Variants in TTC29 observed in about 807,000 individuals in gnomAD.
TTC29 encodes the protein tetratricopeptide repeat protein 29.
A neutral mutation model predicts 58.1 loss-of-function variants in TTC29; 49 were observed. The observed-to-expected ratio is 0.84, with a 90% confidence interval of 0.67 to 1.07. The LOEUF (loss-of-function observed/expected upper bound fraction) is 1.07. Among genes scored for constraint, TTC29 ranks in the 50% least tolerant of loss-of-function variants. TTC29 has a pLI of 0.00. For missense variants in TTC29, 582 were observed against 555.6 expected, an observed-to-expected ratio of 1.05 and a Z score of -0.48; for synonymous variants, 209 against 196.8, an observed-to-expected ratio of 1.06 and a Z score of -0.52.
intron 4 of TTC29, among the ~76,000 whole-genome samples, chr4:146,909,648 A>G (rs1733765873): frequency 6.6e-6 from 1 of 152,184 alleles, no homozygotes; most frequent in African/African-American, 2.4e-5. Flanking sequence ...TTCTCTCTAT[A>G]TTAGTAGTTT....
intron 6 of TTC29, among the ~76,000 whole-genome samples, chr4:146,893,556 G>A (rs1185925115): frequency 6.6e-6 from 1 of 152,128 alleles, no homozygotes; most frequent in Non-Finnish European, 1.5e-5. Context: ...AGACTTAAAT[G>A]TTAGACCTGA....
At chr4:146,874,180 G>T (rs939205326) in intron 7 of TTC29, among the ~76,000 whole-genome samples, 1 of 152,086 alleles carries the variant, frequency 6.6e-6, no homozygotes, top group Admixed American at 6.6e-5. Flanking sequence ...GCTGCAGTAG[G>T]TCTGGGTTGG....
At chr4:146,935,886 G>A (rs1735774701) in intron 4 of TTC29, among the ~76,000 whole-genome samples, 1 of 152,124 alleles carries the variant, frequency 6.6e-6, no homozygotes, top group African/African-American at 2.4e-5. Flanking sequence ...AATTCTTCAT[G>A]GCACCTGCTG....
rs115115605 is a variant in TTC29, at chr4:146,751,636, C to T, written c.1331-44085G>A. Among the ~76,000 whole-genome samples, 749 of 152,098 alleles carry T rather than the reference C, an allele frequency of 4.9e-3. 3 individuals are homozygous for T. The highest frequency in any genetic ancestry group is 0.017 in the African/African-American group (705 of 41,504). On this transcript the variant is annotated intron_variant, in intron 11 of 12. Transcript: ENST00000325106. ...AAAATCTAAAGGGTAATTAAAAATA[C>T]GCCAAAAACAGACAAATGAAAATGG...
intron 11 of TTC29, among the ~76,000 whole-genome samples, chr4:146,787,958 GC>G (rs1434719876): frequency 2.0e-5 from 3 of 151,948 alleles, no homozygotes; most frequent in African/African-American, 7.3e-5. Flanking sequence ...AAGAAAGAGG[GC>G]TCCCAGGGTC....
intron 11 of TTC29, among the ~76,000 whole-genome samples, chr4:146,803,010 A>G (rs1354177676): frequency 6.6e-6 from 1 of 152,206 alleles, no homozygotes; most frequent in Admixed American, 6.5e-5. Context: ...ACTACCAACT[A>G]TTTTCTAAAT....
At chr4:146,807,083 C>T (rs1373242869) in intron 10 of TTC29, among the ~76,000 whole-genome samples, 1 of 152,178 alleles carries the variant, frequency 6.6e-6, no homozygotes, top group East Asian at 1.9e-4. Flanking sequence ...GATTAAGAAA[C>T]TCACTCAAAA....
intron 6 of TTC29, among the ~76,000 whole-genome samples, chr4:146,885,582 T>G (rs968822792): frequency 1.3e-5 from 2 of 152,114 alleles, no homozygotes; most frequent in African/African-American, 4.8e-5. Flanking sequence ...ATCTGTCTAG[T>G]GCTCAGGTAT....
At chr4:146,851,671 A>G (rs1023309730) in intron 8 of TTC29, among the ~76,000 whole-genome samples, 3 of 152,200 alleles carry the variant, frequency 2.0e-5, no homozygotes, top group Non-Finnish European at 4.4e-5. Flanking sequence ...GAAAAGAATA[A>G]TATTACTTTT....
At chr4:146,869,197 T>C (rs1223089086) in intron 7 of TTC29, among the ~76,000 whole-genome samples, 1 of 152,018 alleles carries the variant, frequency 6.6e-6, no homozygotes, top group African/African-American at 2.4e-5. Context: ...GGAAGTATCC[T>C]TAGATTTCTG....
chr4:146,920,041 G>A (rs1579985349), intron 4 of TTC29, among the ~76,000 whole-genome samples: 1 of 150,936 alleles, frequency 6.6e-6, no homozygotes, highest in Non-Finnish European at 1.5e-5. Flanking sequence ...CATTAAAAAT[G>A]TATTGTATTT....
chr4:146,836,003 C>T (rs1418778633), intron 8 of TTC29, among the ~76,000 whole-genome samples: 1 of 152,122 alleles, frequency 6.6e-6, no homozygotes, highest in Middle Eastern at 3.2e-3. Context: ...CTGAAATGAA[C>T]ACTAACCTTA....
rs1285898869 is a variant in TTC29 at position 146,855,729 on chromosome 4, A to T, written c.885+11769T>A. Among the ~76,000 whole-genome samples the T allele has an allele frequency of 1.3e-5, 2 of 152,190 alleles. 1 individual carries two copies. Among genetic ancestry groups the T allele is most frequent in the Non-Finnish European group, 2.9e-5 (2 of 68,030 alleles). On this transcript the variant is annotated intron_variant, in intron 8 of 12. Coordinates refer to ENST00000325106, the MANE Select transcript of TTC29 (RefSeq NM_031956.4). Reference sequence around the variant, plus strand: ...AGATCCATAATTACTTACACTAAAGACACCTTTGAGAATGTTTTGGATAAG... The same window carrying T: ...AGATCCATAATTACTTACACTAAAGTCACCTTTGAGAATGTTTTGGATAAG...
intron 11 of TTC29, among the ~76,000 whole-genome samples, chr4:146,772,431 G>A (rs1276014076): frequency 6.6e-6 from 1 of 152,058 alleles, no homozygotes; most frequent in Non-Finnish European, 1.5e-5. Context: ...AAGGGGTCCA[G>A]TTTCAATCTC....
At chr4:146,875,027 C>G in intron 6 of TTC29, 99 bp from the exon 7 acceptor site, 1 of 861,990 alleles carries the variant, frequency 1.2e-6, no homozygotes. Context: ...TGGAGAAACA[C>G]CGAGGATTAT....
intron 8 of TTC29, among the ~76,000 whole-genome samples, chr4:146,861,221 G>T (rs1167319038): frequency 6.6e-6 from 1 of 152,140 alleles, no homozygotes; most frequent in Non-Finnish European, 1.5e-5. Context: ...TTGGTATGTG[G>T]CTGGTCCAAT....
intron 11 of TTC29, among the ~76,000 whole-genome samples, chr4:146,792,572 A>G (rs1483811480): frequency 6.6e-6 from 1 of 152,218 alleles, no homozygotes; most frequent in Non-Finnish European, 1.5e-5. Flanking sequence ...GTATACAGAG[A>G]TTAATGTTGT....
At chr4:146,752,087 G>A (rs1746048346) in intron 11 of TTC29, among the ~76,000 whole-genome samples, 2 of 151,768 alleles carry the variant, frequency 1.3e-5, no homozygotes, top group Admixed American at 1.3e-4. Flanking sequence ...CAGGAGAAGG[G>A]AATAACGGGC....
chr4:146,841,852 A>C (rs1487520636), intron 8 of TTC29, among the ~76,000 whole-genome samples: 1 of 152,112 alleles, frequency 6.6e-6, no homozygotes, highest in African/African-American at 2.4e-5. Flanking sequence ...CTCAGGTACA[A>C]AATGGAAATG....
Sources: gnomAD v4.1 joint callset for allele counts (sites outside exome capture counted in the v4.1 genomes callset) on GRCh38, gnomAD v4.1.1 for gene constraint, MANE v1.5 for transcripts, NCBI Gene and HGNC (gene_info 2026-07-23, HGNC 2026-07-21) for gene names.